The following CACNA1G variants were observed in gnomAD, a reference collection of about 807,000 sequenced individuals.
The protein encoded by CACNA1G is voltage-dependent T-type calcium channel subunit alpha-1G.
CACNA1G carries 67 observed loss-of-function variants against 219.4 expected under a neutral mutation model. The ratio of observed to expected loss-of-function variants is 0.31; its 90% CI spans 0.25 to 0.37. The LOEUF (loss-of-function observed/expected upper bound fraction) is 0.37, where lower values mean the gene tolerates loss of function less well. Among genes scored for constraint, CACNA1G ranks in the 10% least tolerant of loss-of-function variants. The pLI, the probability that CACNA1G is intolerant of heterozygous loss-of-function variation, is 1.00. For synonymous variants in CACNA1G, 1,296 were observed against 1,345.3 expected, an observed-to-expected ratio of 0.96 and a Z score of 0.80; for missense variants, 2,380 against 3,231.4, an observed-to-expected ratio of 0.74 and a Z score of 6.39.
At chr17:50,612,161 T>G (rs1225079161) in intron 26 of CACNA1G, among the ~76,000 whole-genome samples, 1 of 152,228 alleles carries the variant, frequency 6.6e-6, no homozygotes, top group African/African-American at 2.4e-5. Flanking sequence ...CCTACAGCAG[T>G]GCAGATGCAC....
chr17:50,626,296 G>T lies in CACNA1G; in HGVS notation c.6679G>T (p.Asp2227Tyr), dbSNP rs753269136. 6.2e-7 allele frequency: 1 copy of T among 1,613,518 alleles called. No homozygotes were observed. The highest frequency in any genetic ancestry group is 1.7e-5 in the Admixed American group (1 of 60,028). Residue 2227 changes from aspartate (D) to tyrosine (Y), a missense_variant, in exon 38 of 38, where the codon GAC becomes TAC. By Grantham distance (160) the Asp-to-Tyr change is radical. Transcript: ENST00000359106. The surrounding 1 kb of genome is among the most constrained non-coding windows in gnomAD (Gnocchi z 4.3). The part of the protein sequence containing the change: ...LDTELSWISG[D>Y]LLPPGGQEEP... ...CACGGAGCTGAGCTGGATTTCAGGA[G>T]ACCTCCTGCCCCCTGGCGGCCAGGA...
rs1172461367 is a variant in CACNA1G at position 50,617,832 on chromosome 17, A to G, written c.5156-27A>G. The G allele has an allele frequency of 6.2e-7, 1 of 1,611,358 alleles. No homozygotes were observed. Among genetic ancestry groups the G allele is most frequent in the East Asian group, 2.2e-5 (1 of 44,876 alleles). ...GTCTGGCCGGGGACCCAAAGAGGCCAGCTCATGACGTTGTCCTGTTCTGCA... is the reference window on the plus strand; with the variant it reads ...GTCTGGCCGGGGACCCAAAGAGGCCGGCTCATGACGTTGTCCTGTTCTGCA... On this transcript the variant is annotated intron_variant, in intron 29 of 37. Coordinates refer to ENST00000359106, the MANE Select transcript of CACNA1G (RefSeq NM_018896.5). The surrounding 1 kb of genome is among the most constrained non-coding windows in gnomAD (Gnocchi z 5.8).
chr17:50,618,021 G>A lies in CACNA1G; in HGVS notation c.5227-27G>A, dbSNP rs370930112. 1.9e-5 allele frequency: 30 copies of A among 1,613,444 alleles called. No homozygotes were observed. Among genetic ancestry groups the A allele is most frequent in the African/African-American group, 6.7e-5 (5 of 74,924 alleles). On this transcript the variant is annotated intron_variant, in intron 30 of 37. Transcript: ENST00000359106. The surrounding 1 kb of genome is among the most constrained non-coding windows in gnomAD (Gnocchi z 5.3). ...GCTGACTGGGAGACCCAGCGGCATCGTTTCTATTTCTTCTCCTTTTTTCCA... is the reference window on the plus strand; with the variant it reads ...GCTGACTGGGAGACCCAGCGGCATCATTTCTATTTCTTCTCCTTTTTTCCA...
Position 50,605,963 on chromosome 17 carries a change from C to T in CACNA1G, c.4362C>T (p.Asp1454=). Residue 1454 remains aspartate, a synonymous_variant, in exon 23 of 38, where the codon GAC becomes GAT. Transcript: ENST00000359106. ...EDTRNITNKS[D]CAEASYRWVR... ...CCAGGAACATCACCAATAAATCGGACTGTGCCGAGGCCAGTTACCGGTGGG... is the reference window on the plus strand; with the variant it reads ...CCAGGAACATCACCAATAAATCGGATTGTGCCGAGGCCAGTTACCGGTGGG... The T allele has an allele frequency of 6.2e-7, 1 of 1,613,822 alleles. No individual in the cohort carries two copies. The highest frequency in any genetic ancestry group is 8.5e-7 in the Non-Finnish European group (1 of 1,179,888).
At position 50,578,073 on chromosome 17, in the gene CACNA1G, C is replaced by A; in HGVS notation, c.1925-115C>A. ...CACCCCTGGCCCACTAAGTGCCTAGCACCCCATCACTGTAACAACCCCAGA... is the reference window on the plus strand; with the variant it reads ...CACCCCTGGCCCACTAAGTGCCTAGAACCCCATCACTGTAACAACCCCAGA... On this transcript the variant is annotated intron_variant, in intron 8 of 37. Coordinates refer to ENST00000359106, the MANE Select transcript of CACNA1G (RefSeq NM_018896.5). This position sits in a 1 kb window ranked among gnomAD's most constrained non-coding sequence, Gnocchi z 4.5. 7.8e-7 allele frequency: 1 copy of A among 1,281,228 alleles called. No homozygotes were observed. Among genetic ancestry groups the A allele is most frequent in the South Asian group, 1.8e-5 (1 of 56,806 alleles). 79.4% of individuals were successfully genotyped at this position (1,281,228 alleles called of 1,614,324 possible).
At chr17:50,581,751 A>C (rs1466923184) in intron 9 of CACNA1G, among the ~76,000 whole-genome samples, 1 of 152,216 alleles carries the variant, frequency 6.6e-6, no homozygotes, top group East Asian at 1.9e-4. Context: ...AGAGCAAGAA[A>C]ATGACCTGAT....
Position 50,572,672 on chromosome 17 carries a change from C to A in CACNA1G, c.865C>A (p.Arg289Ser). Residue 289 changes from arginine to serine, a missense_variant, in exon 6 of 38, where the codon CGC becomes AGC. Physicochemically the swap from Arg to Ser is moderately radical, Grantham distance 110. Coordinates refer to ENST00000359106, the MANE Select transcript of CACNA1G (RefSeq NM_018896.5). ...GTCCTGCAGAAGCGTGCCCACGCTGCGCGGGGACGGGGGCGGTGGCCCACC... is the reference window on the plus strand; with the variant it reads ...GTCCTGCAGAAGCGTGCCCACGCTGAGCGGGGACGGGGGCGGTGGCCCACC... ...MRSCRSVPTL[R>S]GDGGGGPPCG... 6.2e-7 allele frequency: 1 copy of A among 1,610,822 alleles called. No homozygotes were observed. Among genetic ancestry groups the A allele is most frequent in the Non-Finnish European group, 8.5e-7 (1 of 1,178,538 alleles).
Position 50,600,861 on chromosome 17 carries a change from G to A in CACNA1G, c.3791+35G>A, listed in dbSNP as rs368141692. On this transcript the variant is annotated intron_variant, in intron 18 of 37. Coordinates refer to ENST00000359106, the MANE Select transcript of CACNA1G (RefSeq NM_018896.5). The surrounding 1 kb of genome is among the most constrained non-coding windows in gnomAD (Gnocchi z 4.1). Reference sequence around the variant, plus strand: ...AGGGCAGGGGTCTGACCTGTGTCCCGACCTCTTCTTCTCACGGGAAATTAC... The same window carrying A: ...AGGGCAGGGGTCTGACCTGTGTCCCAACCTCTTCTTCTCACGGGAAATTAC... 191 of 1,591,480 alleles carry A rather than the reference G, an allele frequency of 1.2e-4. 1 individual carries two copies. Among genetic ancestry groups the A allele is most frequent in the Non-Finnish European group, 1.4e-4 (165 of 1,160,066 alleles).
chr17:50,579,632 C>T (rs944056044), intron 9 of CACNA1G, among the ~76,000 whole-genome samples: 14 of 152,286 alleles, frequency 9.2e-5, no homozygotes, highest in Admixed American at 7.8e-4. Context: ...CTCTGTTCTC[C>T]TGGGTGTTCT....
intron 1 of CACNA1G, among the ~76,000 whole-genome samples, chr17:50,565,143 G>GCACACACACA (rs1195639251): frequency 6.5e-5 from 5 of 77,142 alleles, no homozygotes; most frequent in Admixed American, 2.9e-4. Flanking sequence ...ACACACACAC[G>GCACACACACA]CGCACACACA....
At position 50,571,623 on chromosome 17, in the gene CACNA1G, A is replaced by G. The variant is rs954986516; in HGVS notation, c.587-255A>G. On this transcript the variant is annotated intron_variant, in intron 4 of 37. Coordinates refer to ENST00000359106, the MANE Select transcript of CACNA1G (RefSeq NM_018896.5). This position sits in a 1 kb window ranked among gnomAD's most constrained non-coding sequence, Gnocchi z 4.3. ...GATGTTGGGAGAGTTAGGAGGGGCC[A>G]CAGTTTCCCCAGCTCACTGTTGGTG... 6.6e-6 allele frequency among the ~76,000 whole-genome samples: 1 copy of G among 152,214 alleles called. No homozygotes were observed. The highest frequency in any genetic ancestry group is 2.4e-5 in the African/African-American group (1 of 41,458).
chr17:50,592,350 G>T (rs2044503927), intron 13 of CACNA1G, among the ~76,000 whole-genome samples: 1 of 152,190 alleles, frequency 6.6e-6, no homozygotes, highest in Admixed American at 6.5e-5. Context: ...CCCCTTCAGA[G>T]TTGGCTAGAC....
At position 50,592,144 on chromosome 17, in the gene CACNA1G, A is replaced by G. The variant is rs577673655; in HGVS notation, c.2910+52A>G. On this transcript the variant is annotated intron_variant, in intron 13 of 37. Transcript: ENST00000359106. ...CCTGCCCACAGCAGTCCCACTTCCA[A>G]TTGGCTGCCTGTCTTGAGCCTCCTC... 60 of 1,547,220 alleles carry G rather than the reference A, an allele frequency of 3.9e-5. No individual in the cohort carries two copies. The African/African-American group carries it at 6.0e-4, about 15-fold the overall frequency.
chr17:50,621,594 G>C lies in CACNA1G; in HGVS notation c.5926-66G>C. The C allele has an allele frequency of 6.4e-7, 1 of 1,559,970 alleles. No individual in the cohort carries two copies. The highest frequency in any genetic ancestry group is 1.1e-5 in the South Asian group (1 of 87,954). Reference sequence around the variant, plus strand: ...GTGGGGACTGAGAGAGAGCGCGTGTGTGCGTGTGCACGCGCGTGTGCGCTG... The same window carrying C: ...GTGGGGACTGAGAGAGAGCGCGTGTCTGCGTGTGCACGCGCGTGTGCGCTG... On this transcript the variant is annotated intron_variant, in intron 34 of 37. Transcript: ENST00000359106. This position sits in a 1 kb window ranked among gnomAD's most constrained non-coding sequence, Gnocchi z 4.6.
At chr17:50,572,475 GC>G in intron 5 of CACNA1G, 78 bp from the exon 6 acceptor site, 1 of 1,246,046 alleles carries the variant, frequency 8.0e-7, no homozygotes, top group Middle Eastern at 2.0e-4. Flanking sequence ...GAGCACTCGT[GC>G]CATCTCTCCC....
chr17:50,562,710 G>A (rs756144560), intron 1 of CACNA1G, among the ~76,000 whole-genome samples: 2 of 152,192 alleles, frequency 1.3e-5, no homozygotes, highest in Non-Finnish European at 2.9e-5. Context: ...CAGTAATACT[G>A]TCAGTGTGTT....
In CACNA1G at chr17:50,626,323, G is replaced by A. The variant is rs1365654646; in HGVS notation, c.6706G>A (p.Glu2236Lys). Reference sequence around the variant, plus strand: ...CCTCCTGCCCCCTGGCGGCCAGGAGGAGCCCCCATCCCCACGGGACCTGAA... The same window carrying A: ...CCTCCTGCCCCCTGGCGGCCAGGAGAAGCCCCCATCCCCACGGGACCTGAA... ...GDLLPPGGQE[E>K]PPSPRDLKKC... is the part of the protein sequence containing the mutation. Residue 2236 changes from glutamate (E) to lysine (K), a missense_variant, in exon 38 of 38, where the codon GAG becomes AAG. Coordinates refer to ENST00000359106, the MANE Select transcript of CACNA1G (RefSeq NM_018896.5). This position sits in a 1 kb window ranked among gnomAD's most constrained non-coding sequence, Gnocchi z 4.3. The A allele has an allele frequency of 1.2e-6, 2 of 1,613,200 alleles. No individual in the cohort carries two copies. Among genetic ancestry groups the A allele is most frequent in the Admixed American group, 1.7e-5 (1 of 59,998 alleles).
In CACNA1G at chr17:50,624,058, T is replaced by A. The variant is rs2052970563; in HGVS notation, c.6212T>A (p.Leu2071His). 6.2e-7 allele frequency: 1 copy of A among 1,612,046 alleles called. No homozygotes were observed. Among genetic ancestry groups the A allele is most frequent in the African/African-American group, 1.3e-5 (1 of 74,884 alleles). The change falls in exon 36 of 38, where the codon CTC (leucine) becomes CAC (histidine). Residue 2071 changes from leucine to histidine, a missense_variant. Transcript: ENST00000359106. Reference sequence around the variant, plus strand: ...CCCCTGGGACACAGGGGCTGGGGGCTCCCCAAAGCTCAGTCAGGTACCAGG... The same window carrying A: ...CCCCTGGGACACAGGGGCTGGGGGCACCCCAAAGCTCAGTCAGGTACCAGG... ...EGPLGHRGWG[L>H]PKAQSGSVLS...
intron 1 of CACNA1G, among the ~76,000 whole-genome samples, chr17:50,564,859 G>T (rs997680453): frequency 1.4e-4 from 21 of 152,200 alleles, no homozygotes; most frequent in South Asian, 6.2e-4. Flanking sequence ...GGGATTGAGG[G>T]GGGGCCAGAT....
Sources: allele counts gnomAD v4.1 joint callset (sites outside exome capture counted in the v4.1 genomes callset), GRCh38; gene constraint gnomAD v4.1.1; non-coding constraint Gnocchi (gnomAD v3.1); transcripts MANE v1.5; gene names NCBI Gene and HGNC (gene_info 2026-07-23, HGNC 2026-07-21).